The following CCNF variants were observed in gnomAD, a reference collection of about 807,000 sequenced individuals.
CCNF encodes cyclin-F.
CCNF carries 30 observed loss-of-function variants against 85.4 expected under a neutral mutation model. The ratio of observed to expected loss-of-function variants is 0.35; its 90% CI spans 0.26 to 0.48. The LOEUF is 0.48. Among genes scored for constraint, CCNF ranks in the 20% least tolerant of loss-of-function variants. The pLI is 0.99. For synonymous variants in CCNF, 439 were observed against 425.1 expected (o/e 1.03, Z -0.40); for missense variants, 919 against 1,010.4 (o/e 0.91, Z 1.23).
chr16:2,442,766 ATATATCAT>A (rs1335957596), intron 8 of CCNF, among the ~76,000 whole-genome samples: 5,315 of 33,494 alleles, frequency 0.16, 2,438 homozygotes, highest in African/African-American at 0.41. Flanking sequence ...ATAATATAAT[ATATATCAT>A]ATATAATATT....
chr16:2,445,440 G>A lies in CCNF; in HGVS notation c.930-18G>A, dbSNP rs368889723. The A allele has an allele frequency of 1.9e-5, 31 of 1,613,648 alleles. No individual in the cohort carries two copies. The highest frequency in any genetic ancestry group is 1.6e-4 in the Middle Eastern group (1 of 6,072). ...GGAGAACGCCCCCACCAGTTCCCAC[G>A]TGCTTCTCTTTCCGCAGGTACATTC... On this transcript the variant is annotated intron_variant, in intron 9 of 16. Transcript: ENST00000397066.
Position 2,448,849 on chromosome 16 carries a change from T to C in CCNF, c.1095-6T>C, listed in dbSNP as rs781411948. 2.0e-5 allele frequency: 33 copies of C among 1,611,978 alleles called. No individual in the cohort carries two copies. The highest frequency in any genetic ancestry group is 6.8e-6 in the Non-Finnish European group (8 of 1,178,706). ...TCCACCCTGAGACCCCTTCTCGGCG[T>C]TGCAGGTTTATCAGTAAAGAGATCC... On this transcript the variant is annotated splice_region_variant and splice_polypyrimidine_tract_variant and intron_variant, in intron 10 of 16. Coordinates refer to ENST00000397066, the MANE Select transcript of CCNF (RefSeq NM_001761.3).
chr16:2,445,437 C>T, intron 9 of CCNF, 21 bp from the exon 10 acceptor site: 1 of 1,613,536 alleles, frequency 6.2e-7, no homozygotes, highest in Non-Finnish European at 8.5e-7. Context: ...CACCAGTTCC[C>T]ACGTGCTTCT....
intron 3 of CCNF, among the ~76,000 whole-genome samples, chr16:2,435,125 C>T (rs975906509): frequency 8.6e-5 from 13 of 151,834 alleles, no homozygotes; most frequent in African/African-American, 3.1e-4. Context: ...GTGGCGGGCA[C>T]CTGTGGTCCC....
Position 2,453,374 on chromosome 16 carries a change from G to A in CCNF, c.1588-36G>A, listed in dbSNP as rs745709422. 3.1e-6 allele frequency: 5 copies of A among 1,613,628 alleles called. No individual in the cohort carries two copies. Among genetic ancestry groups the A allele is most frequent in the Non-Finnish European group, 3.4e-6 (4 of 1,179,898 alleles). ...GGGGTGTGGGCGGGCCTCACCCTCG[G>A]GGCCTCTGCACCCCCTAACTCTAGC... is the stretch of plus-strand genomic sequence containing the variant. On this transcript the variant is annotated intron_variant, in intron 14 of 16. Coordinates refer to ENST00000397066, the MANE Select transcript of CCNF (RefSeq NM_001761.3). The surrounding 1 kb of genome is among the most constrained non-coding windows in gnomAD (Gnocchi z 5.6).
In CCNF at chr16:2,452,770, A is replaced by G. The variant is rs1172344472; in HGVS notation, c.1488-440A>G. 4.8e-6 allele frequency: 1 copy of G among 208,278 alleles called. No homozygotes were observed. Among genetic ancestry groups the G allele is most frequent in the African/African-American group, 2.3e-5 (1 of 42,978 alleles). 12.9% of individuals were successfully genotyped at this position (208,278 alleles called of 1,614,324 possible). A position where few individuals can be genotyped will look rare whatever the true frequency, so the allele number is the denominator to read the frequency against. ...TCCATGGATGTTTCCCATTCTGTACATTCCATATAAATGGCGTCATCGGAC... is the reference window on the plus strand; with the variant it reads ...TCCATGGATGTTTCCCATTCTGTACGTTCCATATAAATGGCGTCATCGGAC... On this transcript the variant is annotated intron_variant, in intron 13 of 16. Transcript: ENST00000397066. The surrounding 1 kb of genome is among the most constrained non-coding windows in gnomAD (Gnocchi z 4.1).
Position 2,449,881 on chromosome 16 carries a change from C to A in CCNF, c.1453C>A (p.Leu485Ile). The A allele has an allele frequency of 6.2e-7, 1 of 1,612,454 alleles. No homozygotes were observed. The highest frequency in any genetic ancestry group is 8.5e-7 in the Non-Finnish European group (1 of 1,179,410). ...WDLTGFSYEDLIPCVLSLHKK... is the reference protein window; with the variant it reads ...WDLTGFSYEDIIPCVLSLHKK... ...CCTCACCGGATTCTCCTATGAAGAC[C>A]TCATTCCCTGCGTCTTGAGCCTCCA... The change falls in exon 13 of 17, where the codon CTC (leucine) becomes ATC (isoleucine). Residue 485 changes from leucine (L) to isoleucine (I), a missense_variant. Transcript: ENST00000397066.
intron 15 of CCNF, 51 bp from the exon 16 acceptor site, chr16:2,455,344 C>T (rs747545982): frequency 1.3e-5 from 19 of 1,497,618 alleles, no homozygotes; most frequent in Admixed American, 2.1e-5. Context: ...GGCCTGGCCT[C>T]CCAGCGCCGC....
intron 9 of CCNF, 22 bp downstream of exon 9, chr16:2,443,822 T>G: frequency 1.2e-6 from 2 of 1,612,578 alleles, no homozygotes; most frequent in Non-Finnish European, 1.7e-6. Flanking sequence ...AGGCCGGGGC[T>G]TCTAATCAGA....
rs1257471235 is a variant in CCNF at position 2,437,250 on chromosome 16, G to C, written c.468G>C (p.Pro156=). 2 of 1,611,738 alleles carry C rather than the reference G, an allele frequency of 1.2e-6. No individual in the cohort carries two copies. Among genetic ancestry groups the C allele is most frequent in the Non-Finnish European group, 1.7e-6 (2 of 1,179,342 alleles). The change falls in exon 5 of 17, where the codon CCG becomes CCC. Residue 156 remains proline (P), a synonymous_variant. Transcript: ENST00000397066. ...TCATCTGGCTCTTCATCCGCCCTCC[G>C]TGGTCGGTGAGCGGAAGCTGCTGCA... ...APFIWLFIRP[P]WSVSGSCCKA...
At chr16:2,440,330 T>C (rs535254452) in intron 8 of CCNF, among the ~76,000 whole-genome samples, 9 of 152,110 alleles carry the variant, frequency 5.9e-5, no homozygotes, top group Non-Finnish European at 1.3e-4. Flanking sequence ...TATAAATAAG[T>C]TGTTAGGGCC....
intron 10 of CCNF, 118 bp downstream of exon 10, chr16:2,445,740 T>TTG: frequency 9.6e-7 from 1 of 1,043,920 alleles, no homozygotes; most frequent in Non-Finnish European, 1.3e-6. Context: ...TTTTTTTTTT[T>TTG]TTCCCGAGAC....
At chr16:2,436,856 G>T (rs542424026) in intron 4 of CCNF, 88 of 284,774 alleles carry the variant, frequency 3.1e-4, no homozygotes, top group African/African-American at 1.8e-3. Context: ...ATGAAGCGTC[G>T]CGGGGTCTCC....
In CCNF at chr16:2,438,341, G is replaced by A. The variant is rs2065302694; in HGVS notation, c.594+218G>A. On this transcript the variant is annotated intron_variant, in intron 6 of 16. Transcript: ENST00000397066. ...CCCGCCTGGCAGGGGAGTGGGGGACGGTGAGAACAGCAGAGCAGATCTCAA... is the reference window on the plus strand; with the variant it reads ...CCCGCCTGGCAGGGGAGTGGGGGACAGTGAGAACAGCAGAGCAGATCTCAA... 2.0e-5 allele frequency among the ~76,000 whole-genome samples: 3 copies of A among 152,296 alleles called. No homozygotes were observed. In the South Asian group the frequency reaches 6.2e-4, roughly 32 times the overall value.
At position 2,457,672 on chromosome 16, in the gene CCNF, GCGTCAATGTGAACACCTCTCTTTGT is replaced by G. The variant is rs1396254411; in HGVS notation, c.*653_*677del. 1 of 152,220 alleles carries G rather than the reference GCGTCAATGTGAACACCTCTCTTTGT, an allele frequency of 6.6e-6. No individual in the cohort carries two copies. The highest frequency in any genetic ancestry group is 6.5e-5 in the Admixed American group (1 of 15,282). 9.4% of individuals were successfully genotyped at this position (152,220 alleles called of 1,614,324 possible). ...GGCGTTCGTATGTGACCCACAGATG[GCGTCAATGTGAACACCTCTCTTTGT>G]GCTGAATTTCTGGGCCATTCTTTTC... On this transcript the variant is annotated 3_prime_UTR_variant, in exon 17 of 17. Coordinates refer to ENST00000397066, the MANE Select transcript of CCNF (RefSeq NM_001761.3).
chr16:2,446,274 T>C (rs1464059316), intron 10 of CCNF, among the ~76,000 whole-genome samples: 1 of 151,976 alleles, frequency 6.6e-6, no homozygotes, highest in Non-Finnish European at 1.5e-5. Flanking sequence ...GCAGGATGAC[T>C]GATCAGGGAG....
Position 2,445,450 on chromosome 16 carries a change from T to G in CCNF, c.930-8T>G. On this transcript the variant is annotated splice_polypyrimidine_tract_variant and splice_region_variant and intron_variant, in intron 9 of 16. Coordinates refer to ENST00000397066, the MANE Select transcript of CCNF (RefSeq NM_001761.3). Reference sequence around the variant, plus strand: ...CCCACCAGTTCCCACGTGCTTCTCTTTCCGCAGGTACATTCTGATCGACTG... The same window carrying G: ...CCCACCAGTTCCCACGTGCTTCTCTGTCCGCAGGTACATTCTGATCGACTG... 6.2e-7 allele frequency: 1 copy of G among 1,614,030 alleles called. No individual in the cohort carries two copies. The highest frequency in any genetic ancestry group is 8.5e-7 in the Non-Finnish European group (1 of 1,179,978).
chr16:2,456,825 C>G lies in CCNF; in HGVS notation c.2166C>G (p.Pro722=). The change falls in exon 17 of 17, where the codon CCC becomes CCG. Residue 722 remains proline (P), a synonymous_variant. Transcript: ENST00000397066. This position sits in a 1 kb window ranked among gnomAD's most constrained non-coding sequence, Gnocchi z 4.5. The stretch of plus-strand genomic sequence containing the variant: ...TGGACGGTGGCTTGGGGGCCCTGCC[C>G]CAACCTACCTCAGTGCTGTCCCTGG... ...SSVDGGLGAL[P]QPTSVLSLDS... is the part of the protein sequence containing the mutation. 3.1e-6 allele frequency: 5 copies of G among 1,613,924 alleles called. No homozygotes were observed. The South Asian group carries it at 5.5e-5, about 18-fold the overall frequency.
chr16:2,445,221 T>C (rs1179079580), intron 9 of CCNF, among the ~76,000 whole-genome samples: 1 of 152,126 alleles, frequency 6.6e-6, no homozygotes, highest in Non-Finnish European at 1.5e-5. Context: ...TCAAAGCGCT[T>C]GTGTTTGGGA....
Sources: gnomAD v4.1 joint callset for allele counts (sites outside exome capture counted in the v4.1 genomes callset) on GRCh38, gnomAD v4.1.1 for gene constraint, Gnocchi (gnomAD v3.1) non-coding constraint, MANE v1.5 for transcripts, NCBI Gene and HGNC (gene_info 2026-07-23, HGNC 2026-07-21) for gene names.